Variants in FGGY observed in about 807,000 individuals in gnomAD.
FGGY encodes FGGY carbohydrate kinase domain containing, also known as FGGY carbohydrate kinase domain-containing protein.
A neutral mutation model predicts 71.3 loss-of-function variants in FGGY; 72 were observed. That is an observed-to-expected ratio of 1.01 (90% CI 0.84 to 1.23). FGGY has a LOEUF of 1.23. Among genes scored for constraint, FGGY ranks in the 50% most tolerant of loss-of-function variants. FGGY has a pLI of 0.00. For synonymous variants in FGGY, 251 were observed against 250.3 expected (o/e 1.00, Z -0.02); for missense variants, 668 against 682.3 (o/e 0.98, Z 0.23).
chr1:59,512,589 A>G, intron 7 of FGGY, 150 bp downstream of exon 7: 2 of 651,880 alleles, frequency 3.1e-6, no homozygotes, highest in South Asian at 5.6e-5. Flanking sequence ...ACAGCTAGGC[A>G]TTTGGATAGA....
intron 14 of FGGY, among the ~76,000 whole-genome samples, chr1:59,732,530 G>C (rs1447751594): frequency 6.6e-6 from 1 of 152,172 alleles, no homozygotes; most frequent in Non-Finnish European, 1.5e-5. Flanking sequence ...CAGAGATGAA[G>C]ATGAGGAATG....
intron 7 of FGGY, among the ~76,000 whole-genome samples, chr1:59,524,823 T>A (rs1452879968): frequency 1.3e-5 from 2 of 152,206 alleles, no homozygotes; most frequent in Non-Finnish European, 2.9e-5. Context: ...TGTCTGTGTA[T>A]CTCATTCTTC....
intron 12 of FGGY, among the ~76,000 whole-genome samples, chr1:59,661,910 G>C (rs1293214110): frequency 1.3e-5 from 2 of 150,728 alleles, no homozygotes. Flanking sequence ...TAGTAGAGAT[G>C]GGGTTTCACC....
intron 5 of FGGY, among the ~76,000 whole-genome samples, chr1:59,431,706 C>G (rs987727942): frequency 1.3e-5 from 2 of 152,278 alleles, no homozygotes; most frequent in African/African-American, 4.8e-5. Context: ...AAGGAACACA[C>G]CTTCTCCCTT....
At chr1:59,587,140 A>G (rs2096310243) in intron 8 of FGGY, among the ~76,000 whole-genome samples, 1 of 152,216 alleles carries the variant, frequency 6.6e-6, no homozygotes, top group Non-Finnish European at 1.5e-5. Context: ...CCAGGAGATT[A>G]TATCCCGCAC....
chr1:59,484,886 G>T (rs2093612151), intron 6 of FGGY, among the ~76,000 whole-genome samples: 1 of 152,000 alleles, frequency 6.6e-6, no homozygotes, highest in Non-Finnish European at 1.5e-5. Flanking sequence ...TTCTTCAAAA[G>T]AAAGAGTGGT....
intron 14 of FGGY, among the ~76,000 whole-genome samples, chr1:59,741,938 CA>C (rs11347068): frequency 0.55 from 46,546 of 85,152 alleles, 8,939 homozygotes; most frequent in Middle Eastern, 0.61. Context: ...GACTCCATCT[CA>C]AAAAAAAAAA....
chr1:59,622,511 G>T (rs1013967112), intron 9 of FGGY, among the ~76,000 whole-genome samples: 1 of 152,126 alleles, frequency 6.6e-6, no homozygotes, highest in Admixed American at 6.6e-5. Flanking sequence ...CTCCTGTGAT[G>T]AACATGTCCT....
intron 6 of FGGY, chr1:59,474,012 T>G (rs2093133696): frequency 6.6e-6 from 1 of 152,230 alleles, no homozygotes; most frequent in Non-Finnish European, 1.5e-5. Flanking sequence ...GTAGAAATGT[T>G]CTTACCAACT....
At chr1:59,667,106 C>G (rs2097332819) in intron 12 of FGGY, among the ~76,000 whole-genome samples, 177 bp from the exon 13 acceptor site, 1 of 152,198 alleles carries the variant, frequency 6.6e-6, no homozygotes, top group Non-Finnish European at 1.5e-5. Context: ...AATTCCCACT[C>G]TGCGATTTAA....
chr1:59,497,935 C>T (rs1215212778), intron 6 of FGGY, among the ~76,000 whole-genome samples: 2 of 152,072 alleles, frequency 1.3e-5, no homozygotes, highest in East Asian at 3.9e-4. Flanking sequence ...CTGATTTTTG[C>T]CAGGCAGCAT....
In FGGY at chr1:59,687,199, C is replaced by T. The variant is rs116210438; in HGVS notation, c.1512+13066C>T. ...GAATGACTGATGTGCAGGCAGAAGT[C>T]AGGTCATTTCTCCCCTTCACTACAG... On this transcript the variant is annotated intron_variant, in intron 14 of 15. Coordinates refer to ENST00000303721, the MANE Select transcript of FGGY (RefSeq NM_018291.5). 5.5e-3 allele frequency among the ~76,000 whole-genome samples: 835 copies of T among 152,262 alleles called. 12 individuals carry two copies. The highest frequency in any genetic ancestry group is 0.019 in the African/African-American group (790 of 41,532).
intron 8 of FGGY, among the ~76,000 whole-genome samples, chr1:59,567,889 C>T (rs763729119): frequency 2.0e-5 from 3 of 149,976 alleles, no homozygotes; most frequent in Non-Finnish European, 4.4e-5. Context: ...GCTAGGCATA[C>T]GAGATCCAGC....
At chr1:59,526,035 C>T (rs745863887) in intron 7 of FGGY, among the ~76,000 whole-genome samples, 5 of 151,898 alleles carry the variant, frequency 3.3e-5, no homozygotes, top group Non-Finnish European at 7.4e-5. Flanking sequence ...TTTGCATGCC[C>T]CTATTTGTAT....
intron 14 of FGGY, among the ~76,000 whole-genome samples, chr1:59,684,944 A>G (rs1038582255): frequency 1.3e-5 from 2 of 152,226 alleles, no homozygotes; most frequent in African/African-American, 4.8e-5. Flanking sequence ...TGTTCATTTG[A>G]TCTTCACCAC....
chr1:59,360,105 A>C (rs1192203528), intron 4 of FGGY, among the ~76,000 whole-genome samples: 2 of 99,602 alleles, frequency 2.0e-5, no homozygotes, highest in African/African-American at 5.7e-5. Context: ...ATTGATAATA[A>C]GAACTTTATT....
intron 5 of FGGY, among the ~76,000 whole-genome samples, chr1:59,447,353 T>C (rs545601174): frequency 1.3e-5 from 2 of 152,298 alleles, no homozygotes; most frequent in East Asian, 1.9e-4. Flanking sequence ...AAATAAATAT[T>C]CAGGGTGTGA....
chr1:59,399,336 T>C (rs1056081286), intron 5 of FGGY, among the ~76,000 whole-genome samples: 12 of 152,212 alleles, frequency 7.9e-5, no homozygotes, highest in Non-Finnish European at 1.3e-4. Flanking sequence ...ATAATACTTA[T>C]ATGTCAGGCA....
rs144726757 is a variant in FGGY, at chr1:59,729,218, G to A, written c.1513-28713G>A. On this transcript the variant is annotated intron_variant, in intron 14 of 15. Transcript: ENST00000303721. Reference sequence around the variant, plus strand: ...ATTATTATCATTATTATTATTATTAGGATTTCTTTTAGATACTTTTTTAGC... The same window carrying A: ...ATTATTATCATTATTATTATTATTAAGATTTCTTTTAGATACTTTTTTAGC... Among the ~76,000 whole-genome samples, 349 of 151,474 alleles carry A rather than the reference G, an allele frequency of 2.3e-3. 8 individuals carry two copies. The East Asian group carries it at 0.054, about 24-fold the overall frequency.
Sources: gnomAD v4.1 joint callset for allele counts (sites outside exome capture counted in the v4.1 genomes callset) on GRCh38, gnomAD v4.1.1 for gene constraint, MANE v1.5 for transcripts, NCBI Gene and HGNC (gene_info 2026-07-23, HGNC 2026-07-21) for gene names.